Variants in EAF2 observed in about 807,000 individuals in gnomAD.
The protein encoded by EAF2 is ELL-associated factor 2.
Under a neutral mutation model 29.4 loss-of-function variants are expected in EAF2, and 29 were observed. That is an observed-to-expected ratio of 0.99 (90% CI 0.73 to 1.35). The LOEUF (loss-of-function observed/expected upper bound fraction) is 1.35. EAF2 is among the 40% of genes most tolerant of loss of function. The pLI is 0.00. For missense variants in EAF2, 292 were observed against 312.0 expected (o/e 0.94, Z 0.48); for synonymous variants, 103 against 102.5 (o/e 1.00, Z -0.03).
rs183859211 is a variant in EAF2, at chr3:121,869,027, A to C, written c.485-3510A>C. ...TGAAGTCATGCAGACTATGTATCTG[A>C]CCATAATGGATTCAAACTAAAAATC... is the stretch of plus-strand genomic sequence containing the variant. On this transcript the variant is annotated intron_variant, in intron 4 of 5. Coordinates refer to ENST00000273668, the MANE Select transcript of EAF2 (RefSeq NM_018456.6). Among the ~76,000 whole-genome samples the C allele has an allele frequency of 5.4e-3, 828 of 152,350 alleles. 8 individuals carry two copies. Among genetic ancestry groups the C allele is most frequent in the African/African-American group, 0.019 (773 of 41,582 alleles).
chr3:121,877,690 T>A (rs1185299482), intron 5 of EAF2, among the ~76,000 whole-genome samples: 2 of 151,862 alleles, frequency 1.3e-5, no homozygotes, highest in Non-Finnish European at 2.9e-5. Context: ...TAAAAAATAA[T>A]AAATAATAAA....
At chr3:121,869,268 T>C (rs1021968717) in intron 4 of EAF2, among the ~76,000 whole-genome samples, 4 of 152,160 alleles carry the variant, frequency 2.6e-5, no homozygotes, top group Non-Finnish European at 5.9e-5. Context: ...GTGAGGAAAG[T>C]TATCATATTA....
chr3:121,840,515 A>AAAAAAAAAAAAAAAAAAAAGC (rs1167466790), intron 1 of EAF2, among the ~76,000 whole-genome samples: 1 of 97,892 alleles, frequency 1.0e-5, no homozygotes, highest in Non-Finnish European at 2.0e-5. Flanking sequence ...AAAAGAAAAA[A>AAAAAAAAAAAAAAAAAAAAGC]AAAAAACGGG....
chr3:121,869,716 A>T (rs900740275), intron 4 of EAF2, among the ~76,000 whole-genome samples: 16 of 148,130 alleles, frequency 1.1e-4, no homozygotes, highest in African/African-American at 2.6e-4. Context: ...AAAAAAAAAA[A>T]TTTTTTTTTT....
intron 4 of EAF2, among the ~76,000 whole-genome samples, chr3:121,869,168 A>G (rs147983557): frequency 5.3e-5 from 8 of 152,376 alleles, no homozygotes; most frequent in African/African-American, 1.7e-4. Flanking sequence ...AGCTAAATGT[A>G]TTAAGTAAAC....
At chr3:121,858,303 CTA>C (rs1708760551) in intron 4 of EAF2, among the ~76,000 whole-genome samples, 1 of 152,236 alleles carries the variant, frequency 6.6e-6, no homozygotes, top group Admixed American at 6.5e-5. Flanking sequence ...AAAAGTGTTC[CTA>C]TTTCTCCACA....
intron 5 of EAF2, among the ~76,000 whole-genome samples, chr3:121,878,399 G>T (rs1260514798): frequency 1.3e-5 from 2 of 151,906 alleles, no homozygotes; most frequent in East Asian, 3.8e-4. Flanking sequence ...CCTTTTTGGG[G>T]GGTTAAGAAC....
At chr3:121,865,381 T>C (rs1020777625) in intron 4 of EAF2, among the ~76,000 whole-genome samples, 3 of 152,250 alleles carry the variant, frequency 2.0e-5, no homozygotes, top group Non-Finnish European at 4.4e-5. Context: ...GTATAACATA[T>C]TCCTTAGATT....
At chr3:121,856,871 AAATT>A in intron 3 of EAF2, 136 bp from the exon 4 acceptor site, 1 of 690,672 alleles carries the variant, frequency 1.4e-6, no homozygotes, top group Non-Finnish European at 2.3e-6. Flanking sequence ...ATAATGAACT[AAATT>A]AATGTTTTAA....
chr3:121,851,615 A>G (rs1708632661), intron 2 of EAF2, among the ~76,000 whole-genome samples: 1 of 152,360 alleles, frequency 6.6e-6, no homozygotes, highest in East Asian at 1.9e-4. Flanking sequence ...AGTAGATGAG[A>G]AGATCATGGA....
intron 5 of EAF2, among the ~76,000 whole-genome samples, chr3:121,884,038 C>T (rs1709235265): frequency 6.6e-6 from 1 of 151,996 alleles, no homozygotes. Context: ...AAACTTAATC[C>T]TTGAAAATTA....
At chr3:121,844,626 G>A (rs1368735644) in intron 2 of EAF2, 79 bp downstream of exon 2, 6 of 958,746 alleles carry the variant, frequency 6.3e-6, no homozygotes, top group Middle Eastern at 2.2e-4. Context: ...TGCACAATTT[G>A]TGTAGTGATA....
chr3:121,876,382 CAT>C (rs1012831038), intron 5 of EAF2, among the ~76,000 whole-genome samples: 11 of 151,114 alleles, frequency 7.3e-5, no homozygotes, highest in African/African-American at 1.9e-4. Context: ...TATTAACAGA[CAT>C]ATATATATGT....
chr3:121,852,316 T>G (rs1227013945), intron 2 of EAF2, among the ~76,000 whole-genome samples: 1 of 152,230 alleles, frequency 6.6e-6, no homozygotes, highest in Non-Finnish European at 1.5e-5. Context: ...CTTAGGTAAC[T>G]ATTTTGGGGT....
At chr3:121,873,032 G>C in intron 5 of EAF2, 1 of 726,570 alleles carries the variant, frequency 1.4e-6, no homozygotes, top group Non-Finnish European at 2.4e-6. Context: ...ATGATCCTCT[G>C]CTCAGTCATT....
chr3:121,879,070 G>T (rs953353816), intron 5 of EAF2, among the ~76,000 whole-genome samples: 3 of 152,172 alleles, frequency 2.0e-5, no homozygotes, highest in Non-Finnish European at 4.4e-5. Context: ...TTTAACTGGG[G>T]TGAGATGATG....
At chr3:121,860,632 A>G (rs1048256437) in intron 4 of EAF2, among the ~76,000 whole-genome samples, 1 of 151,882 alleles carries the variant, frequency 6.6e-6, no homozygotes, top group Non-Finnish European at 1.5e-5. Flanking sequence ...TCCTAGATTC[A>G]TTGATTTTTT....
At chr3:121,856,877 A>G (rs923111313) in intron 3 of EAF2, 134 bp from the exon 4 acceptor site, 4 of 710,650 alleles carry the variant, frequency 5.6e-6, no homozygotes, top group Non-Finnish European at 9.1e-6. Flanking sequence ...AACTAAATTA[A>G]TGTTTTAATT....
At chr3:121,843,704 G>C (rs1708472158) in intron 1 of EAF2, among the ~76,000 whole-genome samples, 1 of 151,980 alleles carries the variant, frequency 6.6e-6, no homozygotes, top group Non-Finnish European at 1.5e-5. Context: ...AAATATCTTA[G>C]TACCCTGAAT....
Sources: allele counts gnomAD v4.1 joint callset (sites outside exome capture counted in the v4.1 genomes callset), GRCh38; gene constraint gnomAD v4.1.1; transcripts MANE v1.5; gene names NCBI Gene and HGNC (gene_info 2026-07-23, HGNC 2026-07-21).